SHLD2: variants seen among roughly 807,000 people sequenced by gnomAD.
The protein encoded by SHLD2 is RINN1-REV7-interacting novel NHEJ regulator 2.
A neutral mutation model predicts 73.2 loss-of-function variants in SHLD2; 30 were observed. The ratio of observed to expected loss-of-function variants is 0.41; its 90% CI spans 0.31 to 0.56. SHLD2 has a LOEUF of 0.56. Ranked by LOEUF, SHLD2 falls within the 20% of genes least tolerant of loss-of-function variation. The pLI is 0.28. For missense variants in SHLD2, 745 were observed against 1,055.9 expected, an observed-to-expected ratio of 0.71 and a Z score of 4.08; for synonymous variants, 285 against 370.1, an observed-to-expected ratio of 0.77 and a Z score of 2.64.
At chr10:87,122,817 G>A (rs1178226056) in intron 2 of SHLD2, among the ~76,000 whole-genome samples, 3 of 151,814 alleles carry the variant, frequency 2.0e-5, no homozygotes, top group African/African-American at 4.8e-5. Flanking sequence ...TCGCTCTGTC[G>A]CCCAGGCTGG....
intron 2 of SHLD2, among the ~76,000 whole-genome samples, chr10:87,124,961 T>G (rs903704071): frequency 5.3e-5 from 8 of 152,242 alleles, no homozygotes; most frequent in Admixed American, 4.6e-4. Context: ...CAGGCTGGTC[T>G]CTAACTCCTG....
upstream of SHLD2, chr10:87,094,926 A>C (rs1841697304): frequency 5.0e-6 from 2 of 399,880 alleles, no homozygotes; most frequent in East Asian, 5.2e-5. The surrounding 1 kb of genome is among the most constrained non-coding windows in gnomAD (Gnocchi z 6.6). Flanking sequence ...CTCGCCACCT[A>C]ACGGGGAGGA....
At position 87,152,701 on chromosome 10, in the gene SHLD2, A is replaced by C. The variant is rs1288927809; in HGVS notation, c.1347A>C (p.Leu449=). 4.3e-6 allele frequency: 7 copies of C among 1,611,578 alleles called. No homozygotes were observed. Among genetic ancestry groups the C allele is most frequent in the Non-Finnish European group, 5.1e-6 (6 of 1,179,780 alleles). ...AGTATAATTGTTTAGTCATGGTGCTATCTCCATGCCATGTGAAGGAAATAA... is the reference window on the plus strand; with the variant it reads ...AGTATAATTGTTTAGTCATGGTGCTCTCTCCATGCCATGTGAAGGAAATAA... ...SQKYNCLVMV[L]SPCHVKEINI... Residue 449 remains leucine (L), a synonymous_variant, in exon 3 of 10, where the codon CTA becomes CTC. Transcript: ENST00000298786.
At chr10:87,099,884 A>C (rs757979675) in intron 2 of SHLD2, among the ~76,000 whole-genome samples, 13 of 152,154 alleles carry the variant, frequency 8.5e-5, no homozygotes, top group Non-Finnish European at 1.6e-4. Flanking sequence ...AGCATCTTTC[A>C]TGTGCTTATG....
chr10:87,119,403 C>T (rs1452802200), intron 2 of SHLD2, among the ~76,000 whole-genome samples: 3 of 151,876 alleles, frequency 2.0e-5, no homozygotes, highest in African/African-American at 4.8e-5. Flanking sequence ...TGGTTTAAAT[C>T]GTCTCTAGAA....
chr10:87,150,536 G>A (rs1390482118), intron 2 of SHLD2, among the ~76,000 whole-genome samples: 1 of 151,542 alleles, frequency 6.6e-6, no homozygotes, highest in Non-Finnish European at 1.5e-5. Context: ...AGAGGCGAGT[G>A]GATTTCTTGA....
chr10:87,126,703 A>G (rs916929729), intron 2 of SHLD2, among the ~76,000 whole-genome samples: 7 of 152,092 alleles, frequency 4.6e-5, no homozygotes, highest in African/African-American at 1.4e-4. Context: ...TTCTAGGAGG[A>G]ATGATTGTTA....
At chr10:87,166,422 A>T in intron 4 of SHLD2, among the ~76,000 whole-genome samples, 1 of 152,156 alleles carries the variant, frequency 6.6e-6, no homozygotes, top group Non-Finnish European at 1.5e-5. Context: ...TAATAAATGT[A>T]ACAAAGTATG....
chr10:87,132,728 C>T (rs1248824652), intron 2 of SHLD2, among the ~76,000 whole-genome samples: 1 of 151,906 alleles, frequency 6.6e-6, no homozygotes, highest in Non-Finnish European at 1.5e-5. Context: ...GAGCCGAGAT[C>T]GTAGCACTGC....
At chr10:87,116,783 A>G (rs1028484107) in intron 2 of SHLD2, among the ~76,000 whole-genome samples, 5 of 152,262 alleles carry the variant, frequency 3.3e-5, no homozygotes, top group African/African-American at 9.6e-5. Context: ...CTCAGGGCTC[A>G]GCAGCCTGGG....
At chr10:87,110,206 A>G (rs1330912386) in intron 2 of SHLD2, among the ~76,000 whole-genome samples, 1 of 152,082 alleles carries the variant, frequency 6.6e-6, no homozygotes, top group East Asian at 1.9e-4. Context: ...GGAGGATCGC[A>G]TGAGCCCAGG....
At chr10:87,172,868 G>A (rs1847687355) in intron 6 of SHLD2, among the ~76,000 whole-genome samples, 1 of 151,894 alleles carries the variant, frequency 6.6e-6, no homozygotes, top group Non-Finnish European at 1.5e-5. Flanking sequence ...ATAGCAAAAT[G>A]CTAGCAGTGG....
intron 2 of SHLD2, among the ~76,000 whole-genome samples, chr10:87,142,579 G>A (rs538154980): frequency 6.6e-6 from 1 of 152,160 alleles, no homozygotes; most frequent in African/African-American, 2.4e-5. Flanking sequence ...AACCCTGAAT[G>A]AACGTTAAAG....
chr10:87,188,625 A>T lies in SHLD2; in HGVS notation c.2515+1425A>T, dbSNP rs867043296. Among the ~76,000 whole-genome samples the T allele has an allele frequency of 7.9e-5, 12 of 152,230 alleles. 1 individual carries two copies. Among genetic ancestry groups the T allele is most frequent in the Middle Eastern group, 6.8e-3 (2 of 294 alleles). Reference sequence around the variant, plus strand: ...CACTGGCAGTTCATTGGCTTTTTGCAATTAATTTATTAATAAAAATTAATC... The same window carrying T: ...CACTGGCAGTTCATTGGCTTTTTGCTATTAATTTATTAATAAAAATTAATC... On this transcript the variant is annotated intron_variant, in intron 9 of 9. Coordinates refer to ENST00000298786, the MANE Select transcript of SHLD2 (RefSeq NM_001330112.2).
chr10:87,118,372 A>G (rs1314729146), intron 2 of SHLD2, among the ~76,000 whole-genome samples: 3 of 152,208 alleles, frequency 2.0e-5, no homozygotes, highest in Non-Finnish European at 4.4e-5. Flanking sequence ...TCTTTTAAAC[A>G]GCATTGTTTC....
chr10:87,167,593 C>T (rs374457039), intron 4 of SHLD2, among the ~76,000 whole-genome samples: 5 of 151,932 alleles, frequency 3.3e-5, no homozygotes, highest in South Asian at 4.2e-4. Flanking sequence ...ATGAAGCCCT[C>T]GAGCAATTGC....
chr10:87,150,287 A>C (rs1185571234), intron 2 of SHLD2, among the ~76,000 whole-genome samples: 5 of 146,794 alleles, frequency 3.4e-5, no homozygotes, highest in East Asian at 2.0e-4. Context: ...CTGGTCTTGA[A>C]CTCCTGACCT....
intron 2 of SHLD2, among the ~76,000 whole-genome samples, chr10:87,136,546 A>C (rs1165448252): frequency 3.3e-5 from 5 of 151,964 alleles, no homozygotes; most frequent in Non-Finnish European, 7.4e-5. Context: ...ACTACCCTGT[A>C]TATATCCACA....
At chr10:87,116,576 G>A (rs1227498805) in intron 2 of SHLD2, among the ~76,000 whole-genome samples, 2 of 142,280 alleles carry the variant, frequency 1.4e-5, no homozygotes, top group Non-Finnish European at 3.0e-5. Context: ...TTTTTTCAGT[G>A]AAGGGGGGAT....
Sources: gnomAD v4.1 joint callset for allele counts (sites outside exome capture counted in the v4.1 genomes callset) on GRCh38, gnomAD v4.1.1 for gene constraint, Gnocchi (gnomAD v3.1) non-coding constraint, MANE v1.5 for transcripts, NCBI Gene and HGNC (gene_info 2026-07-23, HGNC 2026-07-21) for gene names.